FMN2: variants seen among roughly 807,000 people sequenced by gnomAD.
The protein encoded by FMN2 is formin 2, also known as formin-2.
A neutral mutation model predicts 142.3 loss-of-function variants in FMN2; 51 were observed. The ratio of observed to expected loss-of-function variants is 0.36; its 90% CI spans 0.29 to 0.45. The LOEUF (loss-of-function observed/expected upper bound fraction) is 0.45. Ranked by LOEUF, FMN2 falls within the 20% of genes least tolerant of loss-of-function variation. The pLI is 1.00. For synonymous variants in FMN2, 882 were observed against 869.8 expected (o/e 1.01, Z -0.25); for missense variants, 1,936 against 2,122.8 (o/e 0.91, Z 1.73).
intron 1 of FMN2, among the ~76,000 whole-genome samples, chr1:240,103,039 AT>A (rs886693221): frequency 6.6e-6 from 1 of 151,682 alleles, no homozygotes; most frequent in East Asian, 2.0e-4. Context: ...CGATTTTTGC[AT>A]TTTTTTGTAG....
At chr1:240,425,226 A>AGAGAGAGAGAGAGAGAGC (rs1441315409) in intron 15 of FMN2, among the ~76,000 whole-genome samples, 3 of 151,754 alleles carry the variant, frequency 2.0e-5, no homozygotes, top group African/African-American at 7.3e-5. Context: ...AGAGAGAGAG[A>AGAGAGAGAGAGAGAGAGC]GAGAGAGAGC....
chr1:240,248,432 G>GATATATATATATAT (rs36215850), intron 6 of FMN2, among the ~76,000 whole-genome samples: 9 of 142,440 alleles, frequency 6.3e-5, no homozygotes, highest in African/African-American at 2.3e-4. Flanking sequence ...CATGTGATTG[G>GATATATATATATAT]ATATATATAT....
At chr1:240,241,626 A>T (rs576416046) in intron 6 of FMN2, among the ~76,000 whole-genome samples, 1 of 152,168 alleles carries the variant, frequency 6.6e-6, no homozygotes, top group East Asian at 1.9e-4. Context: ...TACAGATGTG[A>T]TTTATGCGTG....
At chr1:240,145,265 C>T (rs891253600) in intron 2 of FMN2, 2 of 1,449,188 alleles carry the variant, frequency 1.4e-6, no homozygotes, top group African/African-American at 2.8e-5. Flanking sequence ...GTCCTTGTCC[C>T]CGGCATCCCG....
chr1:240,474,746 G>A lies in FMN2; in HGVS notation c.*592G>A, dbSNP rs1438405805. ...TTTACTGAAGTCATATAATGACTTG[G>A]GTCAGCTCGTAATGCATTGTGATGG... On this transcript the variant is annotated 3_prime_UTR_variant, in exon 18 of 18. Coordinates refer to ENST00000319653, the MANE Select transcript of FMN2 (RefSeq NM_020066.5). 6.6e-6 allele frequency: 1 copy of A among 152,380 alleles called. No individual in the cohort carries two copies. Among genetic ancestry groups the A allele is most frequent in the South Asian group, 2.1e-4 (1 of 4,824 alleles). 9.4% of individuals were successfully genotyped at this position (152,380 alleles called of 1,614,324 possible). A position where few individuals can be genotyped will look rare whatever the true frequency, so the allele number is the denominator to read the frequency against.
chr1:240,209,417 AT>A (rs904301781), intron 5 of FMN2, among the ~76,000 whole-genome samples: 119 of 148,872 alleles, frequency 8.0e-4, no homozygotes, highest in African/African-American at 2.9e-3. Context: ...CGCCCGGTTA[AT>A]TTTTTTTTGT....
intron 1 of FMN2, among the ~76,000 whole-genome samples, chr1:240,121,258 C>T (rs1558305279): frequency 2.0e-5 from 3 of 152,220 alleles, no homozygotes; most frequent in Non-Finnish European, 2.9e-5. Flanking sequence ...TGCCTGAGCC[C>T]GGCTTCCAGC....
chr1:240,163,599 T>C (rs1253514799), intron 2 of FMN2, among the ~76,000 whole-genome samples: 1 of 152,114 alleles, frequency 6.6e-6, no homozygotes, highest in East Asian at 1.9e-4. Context: ...TTCATTTGTA[T>C]CTTCAATAAA....
In FMN2 at chr1:240,230,787, G is replaced by T. The variant is rs1459369774; in HGVS notation, c.4065+19552G>T. Among the ~76,000 whole-genome samples, 2 of 131,766 alleles carry T rather than the reference G, an allele frequency of 1.5e-5. 1 individual carries two copies. The highest frequency in any genetic ancestry group is 3.2e-5 in the Non-Finnish European group (2 of 62,930). The allele number at this position is 131,766 out of a possible 152,430, so 86.4% of individuals were successfully genotyped here. On this transcript the variant is annotated intron_variant, in intron 6 of 17. Transcript: ENST00000319653. ...GTACTTAATTACCCCTGTAAGTAAA[G>T]CTTTTCATAATTAGGATGGAATTTT...
In FMN2 at chr1:240,289,397, G is replaced by A. The variant is rs191170564; in HGVS notation, c.4154-5425G>A. Among the ~76,000 whole-genome samples the A allele has an allele frequency of 2.3e-4, 35 of 152,254 alleles. 1 individual carries two copies. Among genetic ancestry groups the A allele is most frequent in the South Asian group, 1.0e-3 (5 of 4,820 alleles). On this transcript the variant is annotated intron_variant, in intron 7 of 17. Coordinates refer to ENST00000319653, the MANE Select transcript of FMN2 (RefSeq NM_020066.5). ...GAATTATACAAATAGGTTGGGCACC[G>A]TGGCTCATGCCTGCAATCTCAGCAC...
chr1:240,258,541 G>A (rs994181186), intron 7 of FMN2, among the ~76,000 whole-genome samples: 3 of 152,094 alleles, frequency 2.0e-5, no homozygotes, highest in Non-Finnish European at 4.4e-5. Flanking sequence ...ATGACCACGC[G>A]ACCTAGTGAC....
Position 240,098,230 on chromosome 1 carries a change from T to G in FMN2, c.1615+4506T>G, listed in dbSNP as rs572132053. Among the ~76,000 whole-genome samples the G allele has an allele frequency of 2.6e-5, 4 of 151,252 alleles. No homozygotes were observed. The East Asian group carries it at 7.8e-4, about 30-fold the overall frequency. ...AATTCTCCTGCCTCAGCTTCCAGAG[T>G]AGCTGGGATTATAGGCGCCCATGAC... On this transcript the variant is annotated intron_variant, in intron 1 of 17. Transcript: ENST00000319653.
At chr1:240,196,554 C>T (rs1270753083) in intron 4 of FMN2, among the ~76,000 whole-genome samples, 2 of 152,096 alleles carry the variant, frequency 1.3e-5, no homozygotes, top group Non-Finnish European at 2.9e-5. Flanking sequence ...TCTTGTTGCC[C>T]AGGCTGGAGT....
chr1:240,343,693 A>T (rs1671813959), intron 13 of FMN2, among the ~76,000 whole-genome samples: 1 of 152,218 alleles, frequency 6.6e-6, no homozygotes, highest in African/African-American at 2.4e-5. Context: ...ATTTGAATAG[A>T]TGAGCCACCA....
rs903828654 is a variant in FMN2 at position 240,388,732 on chromosome 1, T to C, written c.4859-3779T>C. Among the ~76,000 whole-genome samples, 11 of 151,918 alleles carry C rather than the reference T, an allele frequency of 7.2e-5. No homozygotes were observed. In the South Asian group the frequency reaches 1.5e-3, roughly 20 times the overall value. Reference sequence around the variant, plus strand: ...CAAAAATTAGCTGGGTGTTGTGGCATGCGCCTGTAATCCCAACTACTCGGG... The same window carrying C: ...CAAAAATTAGCTGGGTGTTGTGGCACGCGCCTGTAATCCCAACTACTCGGG... On this transcript the variant is annotated intron_variant, in intron 14 of 17. Coordinates refer to ENST00000319653, the MANE Select transcript of FMN2 (RefSeq NM_020066.5).
rs898455670 is a variant in FMN2 at position 240,187,758 on chromosome 1, G to C, written c.1931-449G>C. ...TCTTACTCAGTGTCTCTTGGTGACAGTGTTCGTTATCTCTTGTTGAAATCA... is the reference window on the plus strand; with the variant it reads ...TCTTACTCAGTGTCTCTTGGTGACACTGTTCGTTATCTCTTGTTGAAATCA... On this transcript the variant is annotated intron_variant, in intron 3 of 17. Transcript: ENST00000319653. Among the ~76,000 whole-genome samples, 3 of 152,180 alleles carry C rather than the reference G, an allele frequency of 2.0e-5. No individual in the cohort carries two copies. In the East Asian group the frequency reaches 5.8e-4, roughly 29 times the overall value.
intron 1 of FMN2, among the ~76,000 whole-genome samples, chr1:240,094,500 CAT>C (rs1661131456): frequency 6.6e-6 from 1 of 152,178 alleles, no homozygotes; most frequent in South Asian, 2.1e-4. Context: ...GTTATAGACT[CAT>C]ACCCAGGGCG....
intron 15 of FMN2, among the ~76,000 whole-genome samples, chr1:240,396,307 T>A (rs1453365442): frequency 2.5e-5 from 2 of 80,520 alleles, no homozygotes; most frequent in African/African-American, 1.8e-4. Flanking sequence ...GGTTTTCGTG[T>A]GTGTGTGTGT....
At chr1:240,144,841 C>T (rs1663369056) in intron 2 of FMN2, 2 of 1,448,862 alleles carry the variant, frequency 1.4e-6, no homozygotes, top group Non-Finnish European at 1.9e-6. Flanking sequence ...CCTGCTGGAC[C>T]TTCTTTGCAT....
Sources: gnomAD v4.1 joint callset for allele counts (sites outside exome capture counted in the v4.1 genomes callset) on GRCh38, gnomAD v4.1.1 for gene constraint, MANE v1.5 for transcripts, NCBI Gene and HGNC (gene_info 2026-07-23, HGNC 2026-07-21) for gene names.